The following MMRN1 variants were observed in gnomAD, a reference collection of about 807,000 sequenced individuals.
MMRN1 encodes the protein multimerin 1.
Under a neutral mutation model 100.7 loss-of-function variants are expected in MMRN1, and 94 were observed. That is an observed-to-expected ratio of 0.93 (90% CI 0.79 to 1.11). The LOEUF (loss-of-function observed/expected upper bound fraction) is 1.11, where lower values mean the gene tolerates loss of function less well. Among genes scored for constraint, MMRN1 ranks in the 50% least tolerant of loss-of-function variants. The pLI is 0.00. For synonymous variants in MMRN1, 575 were observed against 505.0 expected (o/e 1.14, Z -1.86); for missense variants, 1,606 against 1,439.1 (o/e 1.12, Z -1.88).
At chr4:89,927,573 A>T (rs2110621602) in intron 4 of MMRN1, among the ~76,000 whole-genome samples, 1 of 151,954 alleles carries the variant, frequency 6.6e-6, no homozygotes, top group Middle Eastern at 3.4e-3. Flanking sequence ...GGATAATTTG[A>T]CCCCTTCCTT....
At chr4:89,891,203 A>C (rs552776697), upstream of MMRN1, among the ~76,000 whole-genome samples, 6 of 152,144 alleles carry the variant, frequency 3.9e-5, no homozygotes, top group South Asian at 1.0e-3. Flanking sequence ...AATCTGACTG[A>C]ATGGGTATTT....
rs752819584 is a variant in MMRN1 at position 89,918,651 on chromosome 4, A to G, written c.851-4517A>G. 1.2e-3 allele frequency among the ~76,000 whole-genome samples: 176 copies of G among 152,014 alleles called. 4 individuals are homozygous for G. Among genetic ancestry groups the G allele is most frequent in the Non-Finnish European group, 1.1e-3 (78 of 67,844 alleles). ...AGATTTCAAGTGTTTACTTGATAACACATTATACTTTCAGTCAGAAATATT... is the reference window on the plus strand; with the variant it reads ...AGATTTCAAGTGTTTACTTGATAACGCATTATACTTTCAGTCAGAAATATT... On this transcript the variant is annotated intron_variant, in intron 3 of 7. Transcript: ENST00000264790.
Position 89,936,760 on chromosome 4 carries a change from G to A in MMRN1, c.3080G>A (p.Gly1027Asp), listed in dbSNP as rs976747334. 4.4e-6 allele frequency: 7 copies of A among 1,604,908 alleles called. No homozygotes were observed. The highest frequency in any genetic ancestry group is 4.5e-5 in the East Asian group (2 of 44,824). ...GTAAATCTTACCACAGTCCTGATAG[G>A]CCGGACTCAAAGAAACACGGACAAC... ...PTVNLTTVLI[G>D]RTQRNTDNII... Residue 1027 changes from glycine to aspartate, a missense_variant, in exon 6 of 8, where the codon GGC becomes GAC. By Grantham distance (94) the Gly-to-Asp change is moderately conservative. Coordinates refer to ENST00000264790, the MANE Select transcript of MMRN1 (RefSeq NM_007351.3).
At chr4:89,951,519 C>T in intron 6 of MMRN1, 86 bp from the exon 7 acceptor site, 1 of 1,347,860 alleles carries the variant, frequency 7.4e-7, no homozygotes, top group Non-Finnish European at 9.7e-7. Context: ...CAGTCTTTTT[C>T]CTATTCTGCT....
chr4:89,934,055 C>G (rs1722527102), intron 5 of MMRN1, among the ~76,000 whole-genome samples: 1 of 151,806 alleles, frequency 6.6e-6, no homozygotes, highest in African/African-American at 2.4e-5. Flanking sequence ...GAGACTACCA[C>G]AATTATGGCT....
intron 1 of MMRN1, among the ~76,000 whole-genome samples, chr4:89,904,107 CTT>C (rs1244053816): frequency 6.6e-6 from 1 of 151,620 alleles, no homozygotes; most frequent in East Asian, 1.9e-4. Context: ...CTCCTCCTCT[CTT>C]CTTTTCCCCT....
In MMRN1 at chr4:89,935,614, A is replaced by T; in HGVS notation, c.1934A>T (p.Asp645Val). ...MSEQLNDLTYDMEILQPLLEQ... is the reference protein window; with the variant it reads ...MSEQLNDLTYVMEILQPLLEQ... ...GAGCAACTAAATGATTTGACTTATG[A>T]TATGGAGATCCTTCAACCCTTGCTT... Residue 645 changes from aspartate to valine, a missense_variant, in exon 6 of 8, where the codon GAT becomes GTT. Asp to Val is a radical substitution (Grantham distance 152). Coordinates refer to ENST00000264790, the MANE Select transcript of MMRN1 (RefSeq NM_007351.3). The T allele has an allele frequency of 3.1e-6, 5 of 1,613,578 alleles. No homozygotes were observed. The highest frequency in any genetic ancestry group is 3.4e-6 in the Non-Finnish European group (4 of 1,179,728).
At chr4:89,938,072 C>G (rs1186792731) in intron 6 of MMRN1, among the ~76,000 whole-genome samples, 3 of 151,584 alleles carry the variant, frequency 2.0e-5, no homozygotes, top group Non-Finnish European at 4.4e-5. Flanking sequence ...TACTTTATTT[C>G]TTTTTAATTA....
upstream of MMRN1, among the ~76,000 whole-genome samples, chr4:89,890,631 T>C (rs1721034735): frequency 6.6e-6 from 1 of 152,182 alleles, no homozygotes; most frequent in African/African-American, 2.4e-5. Flanking sequence ...GATAACCAGA[T>C]ACAGCTTTCC....
intron 3 of MMRN1, among the ~76,000 whole-genome samples, chr4:89,921,327 A>C (rs1160357006): frequency 6.6e-6 from 1 of 152,050 alleles, no homozygotes; most frequent in Non-Finnish European, 1.5e-5. Context: ...TAGAAGTTCT[A>C]CCTCCAAAAG....
Position 89,954,180 on chromosome 4 carries a change from G to C in MMRN1, c.*762G>C, listed in dbSNP as rs1723277609. 1 of 152,050 alleles carries C rather than the reference G, an allele frequency of 6.6e-6. No homozygotes were observed. The highest frequency in any genetic ancestry group is 1.5e-5 in the Non-Finnish European group (1 of 68,022). The allele number at this position is 152,050 out of a possible 1,614,324, so 9.4% of individuals were successfully genotyped here. On this transcript the variant is annotated 3_prime_UTR_variant, in exon 8 of 8. Coordinates refer to ENST00000264790, the MANE Select transcript of MMRN1 (RefSeq NM_007351.3). Reference sequence around the variant, plus strand: ...CAGATCTGCCCTTCTTCTTCTAAAGGGTAAGTCATAATCTGTGTAATACTA... The same window carrying C: ...CAGATCTGCCCTTCTTCTTCTAAAGCGTAAGTCATAATCTGTGTAATACTA...
rs771360647 is a variant in MMRN1, at chr4:89,935,241, T to C, written c.1561T>C (p.Leu521=). Residue 521 remains leucine, a synonymous_variant, in exon 6 of 8, where the codon TTA becomes CTA. Transcript: ENST00000264790. The part of the protein sequence containing the change: ...SKLKEVHEQL[L]STEQVSDQKN... ...ATTGAAGGAAGTACATGAGCAGCTT[T>C]TATCAACTGAACAGGTATCAGACCA... The C allele has an allele frequency of 6.2e-6, 10 of 1,613,708 alleles. No homozygotes were observed. The highest frequency in any genetic ancestry group is 8.5e-6 in the Non-Finnish European group (10 of 1,179,768).
At chr4:89,934,666 T>C (rs930160380) in intron 5 of MMRN1, 144 bp from the exon 6 acceptor site, 1 of 443,374 alleles carries the variant, frequency 2.3e-6, no homozygotes, top group Non-Finnish European at 3.8e-6. Context: ...ATAGTAATTT[T>C]TAAAATTCTA....
In MMRN1 at chr4:89,953,623, A is replaced by C. The variant is rs1039357480; in HGVS notation, c.*205A>C. 1.7e-5 allele frequency: 7 copies of C among 412,656 alleles called. No homozygotes were observed. Among genetic ancestry groups the C allele is most frequent in the African/African-American group, 1.4e-4 (7 of 48,636 alleles). 25.6% of individuals were successfully genotyped at this position (412,656 alleles called of 1,614,324 possible). ...TGAATATGAAAGAGTTCTTGATCCT[A>C]AAGAAATTTAGTGGCACAGAAAACA... On this transcript the variant is annotated 3_prime_UTR_variant, in exon 8 of 8. Transcript: ENST00000264790.
intron 1 of MMRN1, 143 bp downstream of exon 1, chr4:89,895,737 A>G: frequency 7.3e-7 from 1 of 1,375,074 alleles, no homozygotes; most frequent in Non-Finnish European, 9.6e-7. Flanking sequence ...TTTCAGTTAG[A>G]TAAAGTTATT....
intron 1 of MMRN1, among the ~76,000 whole-genome samples, chr4:89,907,325 A>G (rs1011234813): frequency 6.6e-6 from 1 of 151,574 alleles, no homozygotes; most frequent in African/African-American, 2.4e-5. Flanking sequence ...TCAAAAGAAC[A>G]CAATAAGTTC....
chr4:89,941,754 T>C (rs1390219845), intron 6 of MMRN1, among the ~76,000 whole-genome samples: 2 of 152,186 alleles, frequency 1.3e-5, no homozygotes, highest in East Asian at 3.8e-4. Context: ...GCCTACTATG[T>C]TCACTCTTCT....
rs548057777 is a variant in MMRN1 at position 89,939,414 on chromosome 4, G to A, written c.3118+2616G>A. ...TAACTGATAACTTACTTTGAAGCCT[G>A]ATAATATGAATACCGTAATAATACG... On this transcript the variant is annotated intron_variant, in intron 6 of 7. Coordinates refer to ENST00000264790, the MANE Select transcript of MMRN1 (RefSeq NM_007351.3). 4.8e-4 allele frequency among the ~76,000 whole-genome samples: 73 copies of A among 152,136 alleles called. No homozygotes were observed. The South Asian group carries it at 7.1e-3, about 15-fold the overall frequency.
At chr4:89,910,842 C>T (rs1466618983) in intron 2 of MMRN1, among the ~76,000 whole-genome samples, 2 of 151,328 alleles carry the variant, frequency 1.3e-5, no homozygotes, top group South Asian at 2.1e-4. Context: ...GAAACTGAAA[C>T]GTAAGTCTCT....
Sources: allele counts gnomAD v4.1 joint callset (sites outside exome capture counted in the v4.1 genomes callset), GRCh38; gene constraint gnomAD v4.1.1; transcripts MANE v1.5; gene names NCBI Gene and HGNC (gene_info 2026-07-23, HGNC 2026-07-21).